The following EPS8 variants were observed in gnomAD, a reference collection of about 807,000 sequenced individuals.
The protein encoded by EPS8 is EGFR pathway substrate 8, signaling adaptor.
A neutral mutation model predicts 103.8 loss-of-function variants in EPS8; 42 were observed. The observed-to-expected ratio is 0.40, with a 90% confidence interval of 0.32 to 0.52. EPS8 has a LOEUF of 0.52. Among genes scored for constraint, EPS8 ranks in the 20% least tolerant of loss-of-function variants. The probability of loss-of-function intolerance (pLI) is 0.40; values close to 1 mark genes in which losing one functional copy is unlikely to be tolerated. For missense variants in EPS8, 969 were observed against 1,005.1 expected (o/e 0.96, Z 0.49); for synonymous variants, 344 against 344.6 (o/e 1.00, Z 0.02).
rs1463816243 is a variant in EPS8, at chr12:15,623,153, C to G, written c.2355+5G>C. 6.2e-7 allele frequency: 1 copy of G among 1,600,536 alleles called. No homozygotes were observed. Among genetic ancestry groups the G allele is most frequent in the Non-Finnish European group, 8.5e-7 (1 of 1,176,078 alleles). On this transcript the variant is annotated splice_donor_5th_base_variant and intron_variant, in intron 20 of 20. Coordinates refer to ENST00000281172, the MANE Select transcript of EPS8 (RefSeq NM_004447.6). ...AAAACACCACCTTAGGTTGACAAGT[C>G]ATACCTCCAATGCAGCTTTTTGTAC... is the stretch of plus-strand genomic sequence containing the variant.
In EPS8 at chr12:15,734,911, T is replaced by C. The variant is rs1946753908; in HGVS notation, c.-21-51939A>G. ...GGAAGGTAAGCAGGGCCAACTGCCATATCATTTCCATTTTAAAAATAAGCA... is the reference window on the plus strand; with the variant it reads ...GGAAGGTAAGCAGGGCCAACTGCCACATCATTTCCATTTTAAAAATAAGCA... On this transcript the variant is annotated intron_variant, in intron 1 of 20. Coordinates refer to ENST00000281172, the MANE Select transcript of EPS8 (RefSeq NM_004447.6). This position sits in a 1 kb window ranked among gnomAD's most constrained non-coding sequence, Gnocchi z 4.1. 6.6e-6 allele frequency among the ~76,000 whole-genome samples: 1 copy of C among 152,190 alleles called. No homozygotes were observed. The highest frequency in any genetic ancestry group is 2.4e-5 in the African/African-American group (1 of 41,454).
rs965531890 is a variant in EPS8, at chr12:15,702,959, G to T, written c.-21-19987C>A. ...AGGTCAGGAGATTGAGACCATCCTG[G>T]CCAACATAGTGAAACCCCATCTCCA... On this transcript the variant is annotated intron_variant, in intron 1 of 20. Coordinates refer to ENST00000281172, the MANE Select transcript of EPS8 (RefSeq NM_004447.6). This position sits in a 1 kb window ranked among gnomAD's most constrained non-coding sequence, Gnocchi z 5.1. Among the ~76,000 whole-genome samples the T allele has an allele frequency of 1.1e-4, 17 of 152,092 alleles. No homozygotes were observed. The highest frequency in any genetic ancestry group is 3.9e-4 in the African/African-American group (16 of 41,408).
At chr12:15,663,696 G>A (rs1185325333) in intron 8 of EPS8, among the ~76,000 whole-genome samples, 7 of 151,256 alleles carry the variant, frequency 4.6e-5, no homozygotes, top group Non-Finnish European at 1.0e-4. Flanking sequence ...AGGCTGAGGC[G>A]GGAGGATCAC....
chr12:15,679,333 A>C (rs116401708), intron 3 of EPS8, among the ~76,000 whole-genome samples: 38 of 152,320 alleles, frequency 2.5e-4, no homozygotes, highest in African/African-American at 9.1e-4. Context: ...AATGTGGTCT[A>C]CGTTCATTTT....
chr12:15,732,020 T>TAC (rs1946722026), intron 1 of EPS8, among the ~76,000 whole-genome samples: 1 of 152,168 alleles, frequency 6.6e-6, no homozygotes, highest in African/African-American at 2.4e-5. Flanking sequence ...CTTAAATAAC[T>TAC]GCCTACTCCT....
At position 15,670,883 on chromosome 12, in the gene EPS8, C is replaced by A; in HGVS notation, c.177G>T (p.Val59=). 6.2e-7 allele frequency: 1 copy of A among 1,612,406 alleles called. No individual in the cohort carries two copies. The highest frequency in any genetic ancestry group is 8.5e-7 in the Non-Finnish European group (1 of 1,178,796). The change falls in exon 4 of 21, where the codon GTG becomes GTT. Residue 59 remains valine, a synonymous_variant. Coordinates refer to ENST00000281172, the MANE Select transcript of EPS8 (RefSeq NM_004447.6). ...CAACACGGTATTGAGATATATCTGA[C>A]ACACTGCTGACACTGTCCCGTGCAT... ...KNYARDSVSS[V]SDISQYRVEH... is the part of the protein sequence containing the mutation.
rs1946389359 is a variant in EPS8, at chr12:15,706,543, G to C, written c.-21-23571C>G. Reference sequence around the variant, plus strand: ...TTCTCTTCATAAATCTTTACTGTTAGACATTTGGGCCAATATTTGCTTAAT... The same window carrying C: ...TTCTCTTCATAAATCTTTACTGTTACACATTTGGGCCAATATTTGCTTAAT... On this transcript the variant is annotated intron_variant, in intron 1 of 20. Transcript: ENST00000281172. This position sits in a 1 kb window ranked among gnomAD's most constrained non-coding sequence, Gnocchi z 5.2. Among the ~76,000 whole-genome samples the C allele has an allele frequency of 6.6e-6, 1 of 152,036 alleles. No individual in the cohort carries two copies. Among genetic ancestry groups the C allele is most frequent in the Non-Finnish European group, 1.5e-5 (1 of 68,002 alleles).
rs1426565757 is a variant in EPS8, at chr12:15,721,442, C to T, written c.-21-38470G>A. Among the ~76,000 whole-genome samples the T allele has an allele frequency of 6.6e-6, 1 of 152,134 alleles. No individual in the cohort carries two copies. Among genetic ancestry groups the T allele is most frequent in the African/African-American group, 2.4e-5 (1 of 41,428 alleles). ...AATACTGGAAAAACTACATAATACTCAGCTAAAAGAACGAGGTTTGTGGGG... is the reference window on the plus strand; with the variant it reads ...AATACTGGAAAAACTACATAATACTTAGCTAAAAGAACGAGGTTTGTGGGG... On this transcript the variant is annotated intron_variant, in intron 1 of 20. Coordinates refer to ENST00000281172, the MANE Select transcript of EPS8 (RefSeq NM_004447.6). The surrounding 1 kb of genome is among the most constrained non-coding windows in gnomAD (Gnocchi z 4.4).
intron 14 of EPS8, among the ~76,000 whole-genome samples, chr12:15,647,629 T>C (rs982951175): frequency 3.3e-5 from 5 of 152,234 alleles, no homozygotes; most frequent in Non-Finnish European, 5.9e-5. Context: ...ATTTTTAAAA[T>C]AGCAGCACTA....
intron 1 of EPS8, among the ~76,000 whole-genome samples, chr12:15,692,032 C>T (rs1051124808): frequency 2.6e-5 from 4 of 152,110 alleles, no homozygotes; most frequent in Admixed American, 6.6e-5. Context: ...TGATTACTCT[C>T]TAAGGCTCCG....
intron 17 of EPS8, among the ~76,000 whole-genome samples, chr12:15,638,779 A>C (rs916953018): frequency 3.3e-5 from 5 of 152,254 alleles, no homozygotes; most frequent in African/African-American, 1.2e-4. Flanking sequence ...AATAGGTTTG[A>C]CATTCTCTGA....
chr12:15,658,474 C>T, intron 11 of EPS8, 23 bp downstream of exon 11: 3 of 1,369,816 alleles, frequency 2.2e-6, no homozygotes, highest in Non-Finnish European at 3.1e-6. Context: ...TCTTCTAATT[C>T]TATATACATA....
Position 15,684,687 on chromosome 12 carries a change from A to C in EPS8, c.-21-1715T>G, listed in dbSNP as rs1946066537. 6.6e-6 allele frequency among the ~76,000 whole-genome samples: 1 copy of C among 152,142 alleles called. No homozygotes were observed. Among genetic ancestry groups the C allele is most frequent in the South Asian group, 2.1e-4 (1 of 4,832 alleles). On this transcript the variant is annotated intron_variant, in intron 1 of 20. Transcript: ENST00000281172. This position sits in a 1 kb window ranked among gnomAD's most constrained non-coding sequence, Gnocchi z 4.9. Reference sequence around the variant, plus strand: ...TTCGGAGAGGGAAAAGGCCATGAAGACTGTCATTACTTTCTGGAAGGGCTG... The same window carrying C: ...TTCGGAGAGGGAAAAGGCCATGAAGCCTGTCATTACTTTCTGGAAGGGCTG...
chr12:15,674,438 CTAAGTA>C (rs1945868378), intron 3 of EPS8, among the ~76,000 whole-genome samples: 1 of 152,120 alleles, frequency 6.6e-6, no homozygotes, highest in African/African-American at 2.4e-5. Context: ...AGCTTAGTGT[CTAAGTA>C]TATCTATTCC....
Position 15,662,110 on chromosome 12 carries a change from G to A in EPS8, c.737-11C>T, listed in dbSNP as rs1307118030. On this transcript the variant is annotated splice_polypyrimidine_tract_variant and intron_variant, in intron 8 of 20. Transcript: ENST00000281172. The stretch of plus-strand genomic sequence containing the variant: ...GCCTTGGTTTCTCAACTATAGAAAG[G>A]ACAATCATAAGTCTTTCAATCTTTT... 3 of 1,609,282 alleles carry A rather than the reference G, an allele frequency of 1.9e-6. No individual in the cohort carries two copies. In the African/African-American group the frequency reaches 4.0e-5, roughly 22 times the overall value.
rs959449301 is a variant in EPS8, at chr12:15,696,104, C to T, written c.-21-13132G>A. 4.6e-5 allele frequency among the ~76,000 whole-genome samples: 7 copies of T among 152,198 alleles called. No individual in the cohort carries two copies. Among genetic ancestry groups the T allele is most frequent in the African/African-American group, 1.7e-4 (7 of 41,536 alleles). On this transcript the variant is annotated intron_variant, in intron 1 of 20. Transcript: ENST00000281172. The surrounding 1 kb of genome is among the most constrained non-coding windows in gnomAD (Gnocchi z 4.8). ...CTATTTAAAATCCAGGATAATTAGTCTACCTTTAAAACAAAGAATTTATGC... is the reference window on the plus strand; with the variant it reads ...CTATTTAAAATCCAGGATAATTAGTTTACCTTTAAAACAAAGAATTTATGC...
chr12:15,782,898 G>A (rs756761724), intron 1 of EPS8, among the ~76,000 whole-genome samples: 5 of 152,166 alleles, frequency 3.3e-5, no homozygotes, highest in African/African-American at 4.8e-5. Flanking sequence ...TCATCTCTGC[G>A]TGAGCAGTTC....
At chr12:15,647,327 C>A in intron 14 of EPS8, 67 bp from the exon 15 acceptor site, 2 of 1,378,364 alleles carry the variant, frequency 1.5e-6, no homozygotes, top group South Asian at 2.7e-5. Context: ...TCAGGTCAGT[C>A]AACAAGATCT....
intron 1 of EPS8, among the ~76,000 whole-genome samples, chr12:15,739,396 C>T (rs1054027724): frequency 6.6e-5 from 10 of 151,658 alleles, no homozygotes; most frequent in East Asian, 5.9e-4. Context: ...GTATCTGTGA[C>T]GGTGTTTCTG....
Sources: gnomAD v4.1 joint callset for allele counts (sites outside exome capture counted in the v4.1 genomes callset) on GRCh38, gnomAD v4.1.1 for gene constraint, Gnocchi (gnomAD v3.1) non-coding constraint, MANE v1.5 for transcripts, NCBI Gene and HGNC (gene_info 2026-07-23, HGNC 2026-07-21) for gene names.